Variants in AKT3 observed in about 807,000 individuals in gnomAD.
AKT3 encodes AKT serine/threonine kinase 3, also known as RAC-gamma serine/threonine-protein kinase.
In AKT3, 15 loss-of-function variants were observed where a neutral mutation model predicts 65.3. The ratio of observed to expected loss-of-function variants is 0.23; its 90% confidence interval spans 0.15 to 0.35. The LOEUF is 0.35. Ranked by LOEUF, AKT3 falls within the 10% of genes least tolerant of loss-of-function variation. The pLI is 1.00. For synonymous variants in AKT3, 206 were observed against 183.8 expected (o/e 1.12, Z -0.98); for missense variants, 243 against 576.5 (o/e 0.42, Z 5.92).
At chr1:243,848,344 G>C (rs1695604295) in intron 1 of AKT3, among the ~76,000 whole-genome samples, 1 of 152,134 alleles carries the variant, frequency 6.6e-6, no homozygotes. Context: ...TGTGCATTAA[G>C]TCATAAACCT....
Position 243,500,815 on chromosome 1 carries a change from G to C in AKT3, c.*4434C>G. The C allele has an allele frequency of 4.4e-6, 1 of 229,114 alleles. No individual in the cohort carries two copies. The highest frequency in any genetic ancestry group is 6.3e-5 in the East Asian group (1 of 15,962). The allele number at this position is 229,114 out of a possible 1,614,324, so 14.2% of individuals were successfully genotyped here. A position where few individuals can be genotyped will look rare whatever the true frequency, so the allele number is the denominator to read the frequency against. The stretch of plus-strand genomic sequence containing the variant: ...CACACAGAGACCATTTGAATCTCTT[G>C]AGCATGTAAAAGGTTCAAGCCTGAA... On this transcript the variant is annotated 3_prime_UTR_variant, in exon 14 of 14. Coordinates refer to ENST00000673466, the MANE Select transcript of AKT3 (RefSeq NM_005465.7).
At chr1:243,613,195 A>T (rs1194184766) in intron 8 of AKT3, among the ~76,000 whole-genome samples, 4 of 149,644 alleles carry the variant, frequency 2.7e-5, no homozygotes, top group African/African-American at 9.9e-5. Context: ...ACATACACAC[A>T]CACACATATA....
At chr1:243,505,422 G>C in intron 13 of AKT3, 88 bp from the exon 14 acceptor site, 1 of 1,158,272 alleles carries the variant, frequency 8.6e-7, no homozygotes, top group East Asian at 2.4e-5. Context: ...TCTGAACATA[G>C]GAAAGATGAA....
chr1:243,595,454 T>C (rs910968761), intron 8 of AKT3, among the ~76,000 whole-genome samples: 2 of 152,202 alleles, frequency 1.3e-5, no homozygotes, highest in East Asian at 3.8e-4. Flanking sequence ...TCTTCAGTAA[T>C]GAGTTAACCT....
At chr1:243,632,118 A>G (rs1433844542) in intron 6 of AKT3, among the ~76,000 whole-genome samples, 1 of 152,224 alleles carries the variant, frequency 6.6e-6, no homozygotes, top group African/African-American at 2.4e-5. Flanking sequence ...AGAATGGTGA[A>G]TCTTTCCCAA....
chr1:243,723,885 C>T (rs1687059529), intron 2 of AKT3, among the ~76,000 whole-genome samples: 1 of 152,138 alleles, frequency 6.6e-6, no homozygotes, highest in Non-Finnish European at 1.5e-5. Context: ...CACCAGTGCA[C>T]TCCAGCCTGA....
chr1:243,546,746 A>G (rs1377182203), intron 11 of AKT3: 2 of 152,190 alleles, frequency 1.3e-5, no homozygotes, highest in Admixed American at 1.3e-4. Context: ...AGAATGCAAA[A>G]CACAAAATTT....
chr1:243,492,295 C>CT (rs33950392), intron 13 of AKT3, among the ~76,000 whole-genome samples: 25,232 of 62,238 alleles, frequency 0.41, 9,519 homozygotes, highest in African/African-American at 0.6. Context: ...CGTTTCTTGG[C>CT]TTTTTTTTTT....
In AKT3 at chr1:243,540,787, T is replaced by C. The variant is rs561665714; in HGVS notation, c.1251+4723A>G. On this transcript the variant is annotated intron_variant, in intron 12 of 13. Coordinates refer to ENST00000673466, the MANE Select transcript of AKT3 (RefSeq NM_005465.7). Reference sequence around the variant, plus strand: ...TCTATGAGTGTTCCATCATCATTCTTTGCCTATCATGAGGCTAACACTTTT... The same window carrying C: ...TCTATGAGTGTTCCATCATCATTCTCTGCCTATCATGAGGCTAACACTTTT... Among the ~76,000 whole-genome samples the C allele has an allele frequency of 9.2e-5, 14 of 152,316 alleles. No individual in the cohort carries two copies. In the South Asian group the frequency reaches 2.9e-3, roughly 32 times the overall value.
Position 243,550,789 on chromosome 1 carries a change from C to CAAAAAAAAAAAAA in AKT3, c.1163+1927_1163+1939dup, listed in dbSNP as rs60834632. On this transcript the variant is annotated intron_variant, in intron 11 of 13. Transcript: ENST00000673466. ...TGAAACCCCATCTCTACTAAAATACCAAAAAAAAAAAAAAAAAAAAAAAGC... is the reference window on the plus strand; with the variant it reads ...TGAAACCCCATCTCTACTAAAATACCAAAAAAAAAAAAAAAAAAAAAAAAAAAAAAAAAAAAGC... 4.8e-4 allele frequency among the ~76,000 whole-genome samples: 16 copies of CAAAAAAAAAAAAA among 33,684 alleles called. 1 individual carries two copies. Among genetic ancestry groups the CAAAAAAAAAAAAA allele is most frequent in the Non-Finnish European group, 8.1e-4 (16 of 19,856 alleles). 22.1% of individuals were successfully genotyped at this position (33,684 alleles called of 152,430 possible). A position where few individuals can be genotyped will look rare whatever the true frequency, so the allele number is the denominator to read the frequency against.
At chr1:243,550,868 G>T (rs1216716495) in intron 11 of AKT3, among the ~76,000 whole-genome samples, 4 of 142,276 alleles carry the variant, frequency 2.8e-5, no homozygotes, top group Non-Finnish European at 6.1e-5. Flanking sequence ...CTGAGGCAGG[G>T]GAATTGCTTG....
intron 2 of AKT3, among the ~76,000 whole-genome samples, chr1:243,718,461 G>C (rs749005502): frequency 2.0e-5 from 3 of 151,120 alleles, no homozygotes; most frequent in Non-Finnish European, 3.0e-5. Flanking sequence ...GTTTTGTTTT[G>C]TTTTTTTTCA....
At chr1:243,737,707 T>C (rs974695155) in intron 2 of AKT3, among the ~76,000 whole-genome samples, 2 of 152,138 alleles carry the variant, frequency 1.3e-5, no homozygotes, top group Non-Finnish European at 2.9e-5. Flanking sequence ...CTACAATAAA[T>C]AGGACAACTA....
chr1:243,585,526 C>T (rs575166138), intron 8 of AKT3, among the ~76,000 whole-genome samples: 2 of 152,160 alleles, frequency 1.3e-5, no homozygotes, highest in East Asian at 3.9e-4. Context: ...CAGCATGGTA[C>T]TGTAAAAAAA....
chr1:243,644,843 CTTTG>C (rs757845871), intron 5 of AKT3, among the ~76,000 whole-genome samples: 13 of 152,180 alleles, frequency 8.5e-5, no homozygotes, highest in South Asian at 4.1e-4. Flanking sequence ...TGTAGCTAGA[CTTTG>C]TTTTTCTTTT....
intron 3 of AKT3, among the ~76,000 whole-genome samples, chr1:243,686,218 C>CTA (rs948373141): frequency 2.6e-5 from 4 of 152,136 alleles, no homozygotes; most frequent in African/African-American, 7.2e-5. Context: ...CCCCATCAAG[C>CTA]TACCATTGAC....
At chr1:243,570,925 C>T (rs1272095534) in intron 9 of AKT3, among the ~76,000 whole-genome samples, 1 of 152,148 alleles carries the variant, frequency 6.6e-6, no homozygotes, top group Non-Finnish European at 1.5e-5. Context: ...GACTGATATT[C>T]ATATATAAAG....
At chr1:243,658,936 C>G (rs1682042143) in intron 4 of AKT3, among the ~76,000 whole-genome samples, 1 of 151,154 alleles carries the variant, frequency 6.6e-6, no homozygotes, top group African/African-American at 2.4e-5. Flanking sequence ...GGAGGCTAAG[C>G]TGGGAGGATC....
chr1:243,684,510 G>A (rs1269538980), intron 3 of AKT3, among the ~76,000 whole-genome samples: 1 of 152,178 alleles, frequency 6.6e-6, no homozygotes, highest in African/African-American at 2.4e-5. Flanking sequence ...TGGCTGCATA[G>A]TATTCCATGG....
Sources: gnomAD v4.1 joint callset for allele counts (sites outside exome capture counted in the v4.1 genomes callset) on GRCh38, gnomAD v4.1.1 for gene constraint, MANE v1.5 for transcripts, NCBI Gene and HGNC (gene_info 2026-07-23, HGNC 2026-07-21) for gene names.